Variants in CSMD2 observed in about 807,000 individuals in gnomAD.
The protein encoded by CSMD2 is CUB and sushi domain-containing protein 2.
Under a neutral mutation model 398.5 loss-of-function variants are expected in CSMD2, and 130 were observed. That is an observed-to-expected ratio of 0.33 (90% CI 0.28 to 0.38). The LOEUF (loss-of-function observed/expected upper bound fraction) is 0.38, where lower values mean the gene tolerates loss of function less well. Among genes scored for constraint, CSMD2 ranks in the 10% least tolerant of loss-of-function variants. The pLI is 1.00. For missense variants in CSMD2, 3,829 were observed against 4,764.9 expected (o/e 0.80, Z 5.78); for synonymous variants, 1,828 against 1,908.5 (o/e 0.96, Z 1.10).
At position 33,635,199 on chromosome 1, in the gene CSMD2, A is replaced by C. The variant is rs539572186; in HGVS notation, c.5086+15T>G. The C allele has an allele frequency of 2.1e-5, 32 of 1,541,282 alleles. No homozygotes were observed. The highest frequency in any genetic ancestry group is 1.1e-4 in the South Asian group (10 of 88,676). On this transcript the variant is annotated intron_variant, in intron 31 of 70. Transcript: ENST00000373381. The surrounding 1 kb of genome is among the most constrained non-coding windows in gnomAD (Gnocchi z 5.0). Reference sequence around the variant, plus strand: ...AGTCAGAAAACATATGAACAACAACAACCAAAACCCATACCATAGTCCTTG... The same window carrying C: ...AGTCAGAAAACATATGAACAACAACCACCAAAACCCATACCATAGTCCTTG...
At position 33,877,378 on chromosome 1, in the gene CSMD2, C is replaced by G. The variant is rs1640911346; in HGVS notation, c.921-30382G>C. On this transcript the variant is annotated intron_variant, in intron 5 of 70. Coordinates refer to ENST00000373381, the MANE Select transcript of CSMD2 (RefSeq NM_001281956.2). The stretch of plus-strand genomic sequence containing the variant: ...CAGTCCTTGTCCCACTGGACTTGTC[C>G]CCCTTGTCGCACTGGGGGAGATGAG... Among the ~76,000 whole-genome samples, 4 of 152,134 alleles carry G rather than the reference C, an allele frequency of 2.6e-5. No homozygotes were observed. In the South Asian group the frequency reaches 8.3e-4, roughly 32 times the overall value.
chr1:33,809,293 TG>T (rs1224810265), intron 10 of CSMD2, among the ~76,000 whole-genome samples: 3 of 150,122 alleles, frequency 2.0e-5, no homozygotes, highest in Non-Finnish European at 4.4e-5. Context: ...TATATAGGCA[TG>T]TATAAAAATG....
intron 1 of CSMD2, among the ~76,000 whole-genome samples, chr1:34,132,358 CG>C (rs761349855): frequency 6.6e-6 from 1 of 152,070 alleles, no homozygotes; most frequent in Non-Finnish European, 1.5e-5. Flanking sequence ...TGGCACCCAC[CG>C]AGAACCATCT....
chr1:33,590,488 A>G (rs1639360763), intron 44 of CSMD2, among the ~76,000 whole-genome samples: 2 of 151,912 alleles, frequency 1.3e-5, no homozygotes, highest in African/African-American at 2.4e-5. Flanking sequence ...GATACTAAAA[A>G]GCAACAAAAC....
rs754621107 is a variant in CSMD2, at chr1:33,600,260, T to C, written c.6856+605A>G. On this transcript the variant is annotated intron_variant, in intron 44 of 70. Transcript: ENST00000373381. ...CAGTGATCTGTAAATTGCAAATATG[T>C]GCATCATTCCATAGATAGGCACAAG... is the stretch of plus-strand genomic sequence containing the variant. 1.2e-5 allele frequency: 8 copies of C among 686,912 alleles called. No homozygotes were observed. The Middle Eastern group carries it at 1.6e-3, about 133-fold the overall frequency. The allele number at this position is 686,912 out of a possible 1,614,324, so 42.6% of individuals were successfully genotyped here.
At chr1:34,054,709 T>C (rs1022088827) in intron 2 of CSMD2, among the ~76,000 whole-genome samples, 4 of 152,026 alleles carry the variant, frequency 2.6e-5, no homozygotes, top group African/African-American at 9.7e-5. Context: ...CACTGCACTC[T>C]AGGCTGGGCG....
chr1:34,165,645 CACAGGCACAT>C, upstream of CSMD2: 1 of 1,053,926 alleles, frequency 9.5e-7, no homozygotes, highest in Non-Finnish European at 1.5e-6. Flanking sequence ...CACTCACACA[CACAGGCACAT>C]ACACGCACAC....
At chr1:33,766,029 C>T (rs1290901020) in intron 13 of CSMD2, among the ~76,000 whole-genome samples, 1 of 152,216 alleles carries the variant, frequency 6.6e-6, no homozygotes, top group Non-Finnish European at 1.5e-5. Flanking sequence ...CTTACCCCAA[C>T]AGGGACATGT....
At chr1:34,032,165 T>A (rs1650531955) in intron 3 of CSMD2, among the ~76,000 whole-genome samples, 1 of 152,214 alleles carries the variant, frequency 6.6e-6, no homozygotes, top group African/African-American at 2.4e-5. Flanking sequence ...CTGAATGATA[T>A]AAAACTGACT....
intron 67 of CSMD2, among the ~76,000 whole-genome samples, chr1:33,522,399 T>C (rs1654395842): frequency 6.6e-6 from 1 of 152,194 alleles, no homozygotes. Context: ...CCCTCCTGGA[T>C]GGTGGAGTCT....
At chr1:33,898,502 C>T (rs1326286075) in intron 5 of CSMD2, among the ~76,000 whole-genome samples, 1 of 152,162 alleles carries the variant, frequency 6.6e-6, no homozygotes, top group African/African-American at 2.4e-5. Flanking sequence ...CCTAATTAAT[C>T]CCCCTGAATA....
At chr1:33,641,669 A>G (rs1009927191) in intron 29 of CSMD2, among the ~76,000 whole-genome samples, 3 of 152,212 alleles carry the variant, frequency 2.0e-5, no homozygotes, top group African/African-American at 7.2e-5. Flanking sequence ...AGAGATGACT[A>G]AGACACTACA....
intron 4 of CSMD2, among the ~76,000 whole-genome samples, chr1:33,924,596 G>C (rs1644060685): frequency 6.6e-6 from 1 of 152,060 alleles, no homozygotes; most frequent in Admixed American, 6.6e-5. Flanking sequence ...TCTATTTTTA[G>C]TCTTTTGAGA....
intron 2 of CSMD2, among the ~76,000 whole-genome samples, chr1:34,044,995 A>G (rs1459277950): frequency 6.6e-6 from 1 of 151,320 alleles, no homozygotes. Flanking sequence ...ATCATCTAGT[A>G]ATTTGCAGGT....
At chr1:33,606,092 G>T in intron 41 of CSMD2, 5 of 1,465,284 alleles carry the variant, frequency 3.4e-6, no homozygotes, top group Non-Finnish European at 4.5e-6. Flanking sequence ...GTTTCCATGA[G>T]AGTGGGTGGC....
chr1:34,063,427 C>T (rs745886159), intron 2 of CSMD2, among the ~76,000 whole-genome samples: 9 of 152,192 alleles, frequency 5.9e-5, no homozygotes, highest in Admixed American at 1.3e-4. Flanking sequence ...GTAAATACAG[C>T]CATTCCAAAT....
rs1263757404 is a variant in CSMD2 at position 33,650,928 on chromosome 1, T to C, written c.4586+1395A>G. ...CTACAATTTTATAGGAGTTGAATCA[T>C]ACATTATGTACTTTTTTATGTCTGT... is the stretch of plus-strand genomic sequence containing the variant. On this transcript the variant is annotated intron_variant, in intron 28 of 70. Coordinates refer to ENST00000373381, the MANE Select transcript of CSMD2 (RefSeq NM_001281956.2). Among the ~76,000 whole-genome samples, 9 of 152,254 alleles carry C rather than the reference T, an allele frequency of 5.9e-5. No homozygotes were observed. The South Asian group carries it at 1.4e-3, about 25-fold the overall frequency.
chr1:33,892,214 C>A (rs929319443), intron 5 of CSMD2, among the ~76,000 whole-genome samples: 2 of 151,610 alleles, frequency 1.3e-5, no homozygotes, highest in African/African-American at 4.8e-5. Context: ...TAGCTTTTGG[C>A]AAACTGGAGG....
At chr1:33,670,047 G>A (rs539410769) in intron 25 of CSMD2, among the ~76,000 whole-genome samples, 1 of 152,278 alleles carries the variant, frequency 6.6e-6, no homozygotes, top group East Asian at 1.9e-4. Flanking sequence ...GTTATTTTAA[G>A]CTATTCAGTT....
Sources: allele counts gnomAD v4.1 joint callset (sites outside exome capture counted in the v4.1 genomes callset), GRCh38; gene constraint gnomAD v4.1.1; non-coding constraint Gnocchi (gnomAD v3.1); transcripts MANE v1.5; gene names NCBI Gene and HGNC (gene_info 2026-07-23, HGNC 2026-07-21).